Variants in TRDN observed in about 807,000 individuals in gnomAD.
The protein encoded by TRDN is triadin.
TRDN carries 161 observed loss-of-function variants against 149.7 expected under a neutral mutation model. The observed-to-expected ratio is 1.08, with a 90% CI of 0.95 to 1.23. TRDN has a LOEUF of 1.23. Ranked by LOEUF, TRDN falls within the 50% of genes most tolerant of loss-of-function variation. The pLI is 0.00. For missense variants in TRDN, 896 were observed against 823.5 expected, an observed-to-expected ratio of 1.09 and a Z score of -1.08; for synonymous variants, 294 against 250.5, an observed-to-expected ratio of 1.17 and a Z score of -1.64.
At chr6:123,481,285 A>G (rs1290705283) in intron 9 of TRDN, among the ~76,000 whole-genome samples, 6 of 152,104 alleles carry the variant, frequency 3.9e-5, no homozygotes, top group Admixed American at 2.0e-4. Flanking sequence ...GCTAAAAGCT[A>G]TCAGCCAATT....
Position 123,504,393 on chromosome 6 carries a change from A to G in TRDN, c.611-492T>C, listed in dbSNP as rs1015084107. Among the ~76,000 whole-genome samples the G allele has an allele frequency of 2.0e-5, 3 of 152,272 alleles. No homozygotes were observed. The South Asian group carries it at 6.2e-4, about 32-fold the overall frequency. The stretch of plus-strand genomic sequence containing the variant: ...AATGCCAACAAAGTCTTTTTTAAAG[A>G]CAACAATTAGTAATGCAAGTGTAAA... On this transcript the variant is annotated intron_variant, in intron 7 of 40. Coordinates refer to ENST00000334268, the MANE Select transcript of TRDN (RefSeq NM_006073.4).
chr6:123,238,002 T>C (rs1775852141), intron 38 of TRDN, among the ~76,000 whole-genome samples: 1 of 152,122 alleles, frequency 6.6e-6, no homozygotes, highest in South Asian at 2.1e-4. Flanking sequence ...TAAAAGATGC[T>C]TAAAAGTGTA....
chr6:123,311,951 C>T lies in TRDN; in HGVS notation c.1510+4506G>A, dbSNP rs117325139. 5.7e-3 allele frequency among the ~76,000 whole-genome samples: 866 copies of T among 151,982 alleles called. 27 individuals carry two copies. The East Asian group carries it at 0.062, about 11-fold the overall frequency. On this transcript the variant is annotated intron_variant, in intron 24 of 40. Transcript: ENST00000334268. ...CATTCAGGTCTTGGAGAAATTAAAG[C>T]ACTAATACACACCATGCCAGAGGAA...
At chr6:123,399,854 C>A (rs1396974576) in intron 12 of TRDN, among the ~76,000 whole-genome samples, 1 of 152,058 alleles carries the variant, frequency 6.6e-6, no homozygotes, top group Non-Finnish European at 1.5e-5. Context: ...ATTCCTTTTG[C>A]ATTGATAATA....
At chr6:123,551,557 A>C (rs1781393607) in intron 2 of TRDN, among the ~76,000 whole-genome samples, 1 of 152,052 alleles carries the variant, frequency 6.6e-6, no homozygotes, top group African/African-American at 2.4e-5. Context: ...TGTTTCCCTA[A>C]GTTTAATTAT....
intron 7 of TRDN, chr6:123,509,941 G>C (rs999144523): frequency 2.6e-5 from 4 of 151,996 alleles, no homozygotes; most frequent in African/African-American, 9.7e-5. Flanking sequence ...TGGCAAAAAT[G>C]TTTTTCTCTC....
intron 24 of TRDN, among the ~76,000 whole-genome samples, chr6:123,285,927 T>A (rs952681810): frequency 1.3e-5 from 2 of 152,068 alleles, no homozygotes; most frequent in Non-Finnish European, 2.9e-5. Context: ...GAAAAAATGT[T>A]CAACATCACT....
chr6:123,257,164 G>C (rs1416689175), intron 35 of TRDN, among the ~76,000 whole-genome samples: 3 of 151,850 alleles, frequency 2.0e-5, no homozygotes, highest in Non-Finnish European at 4.4e-5. Flanking sequence ...ATTTTTAGTA[G>C]AGACAGAGTT....
intron 5 of TRDN, among the ~76,000 whole-genome samples, chr6:123,517,155 G>A (rs917245719): frequency 2.6e-5 from 4 of 152,064 alleles, no homozygotes; most frequent in African/African-American, 9.7e-5. Flanking sequence ...AATATGTAAG[G>A]TGGAATGTTG....
At chr6:123,302,479 A>G (rs1778463283) in intron 24 of TRDN, among the ~76,000 whole-genome samples, 1 of 152,124 alleles carries the variant, frequency 6.6e-6, no homozygotes, top group South Asian at 2.1e-4. Flanking sequence ...CAAAGTCCAG[A>G]AATCACCCAT....
intron 24 of TRDN, among the ~76,000 whole-genome samples, chr6:123,305,949 G>A (rs1457754344): frequency 6.6e-6 from 1 of 152,102 alleles, no homozygotes; most frequent in Admixed American, 6.6e-5. Context: ...ACAAGTCTCA[G>A]CAGAATATGT....
chr6:123,271,565 G>A (rs1319531645), intron 29 of TRDN, among the ~76,000 whole-genome samples: 1 of 151,900 alleles, frequency 6.6e-6, no homozygotes, highest in Non-Finnish European at 1.5e-5. Flanking sequence ...TTATCTTCTT[G>A]TACTGATACC....
chr6:123,526,430 A>G (rs1300061145), intron 5 of TRDN, among the ~76,000 whole-genome samples: 1 of 152,034 alleles, frequency 6.6e-6, no homozygotes, highest in Non-Finnish European at 1.5e-5. Flanking sequence ...CTCAGCAGGC[A>G]CCAAAGAACA....
chr6:123,318,904 G>A (rs1163346092), intron 23 of TRDN, among the ~76,000 whole-genome samples: 1 of 152,024 alleles, frequency 6.6e-6, no homozygotes. Flanking sequence ...GTGGCTGTGG[G>A]CCCTCTTACT....
At chr6:123,437,381 ATTTTTTTTTTTTTT>A (rs565538741) in intron 12 of TRDN, 26 of 186,464 alleles carry the variant, frequency 1.4e-4, no homozygotes, top group African/African-American at 8.2e-4. Context: ...TGAGATACAG[ATTTTTTTTTTTTTT>A]TTTTTTTTTT....
chr6:123,514,489 C>G (rs1344063131), intron 6 of TRDN, among the ~76,000 whole-genome samples: 1 of 152,128 alleles, frequency 6.6e-6, no homozygotes, highest in Non-Finnish European at 1.5e-5. Context: ...ATTCAAGAAT[C>G]TAAACATATG....
At chr6:123,301,786 T>TATATATATATATAC (rs1554221699) in intron 24 of TRDN, among the ~76,000 whole-genome samples, 1 of 90,492 alleles carries the variant, frequency 1.1e-5, no homozygotes, top group South Asian at 5.0e-4. Context: ...TATATATATA[T>TATATATATATATAC]ACATAAATGA....
chr6:123,418,055 A>T lies in TRDN; in HGVS notation c.1051+20008T>A, dbSNP rs540157872. 2.0e-3 allele frequency among the ~76,000 whole-genome samples: 299 copies of T among 152,314 alleles called. 2 individuals are homozygous for T. The highest frequency in any genetic ancestry group is 6.9e-3 in the African/African-American group (285 of 41,578). ...TAAAATTACTCATCCAGGACTGGGT[A>T]AGTATAACACACAAATGAAAGTGGG... On this transcript the variant is annotated intron_variant, in intron 12 of 40. Transcript: ENST00000334268.
intron 5 of TRDN, among the ~76,000 whole-genome samples, chr6:123,521,408 C>T (rs898558724): frequency 2.6e-5 from 4 of 151,904 alleles, no homozygotes; most frequent in Non-Finnish European, 5.9e-5. Flanking sequence ...GAATGCATAT[C>T]CTGTGAAAAG....
Sources: allele counts gnomAD v4.1 joint callset (sites outside exome capture counted in the v4.1 genomes callset), GRCh38; gene constraint gnomAD v4.1.1; transcripts MANE v1.5; gene names NCBI Gene and HGNC (gene_info 2026-07-23, HGNC 2026-07-21).